Variants in MTUS2 observed in about 807,000 individuals in gnomAD.
The protein encoded by MTUS2 is microtubule associated scaffold protein 2.
A neutral mutation model predicts 114.1 loss-of-function variants in MTUS2; 40 were observed. That is an observed-to-expected ratio of 0.35 (90% CI 0.27 to 0.46). The LOEUF is 0.46. Among genes scored for constraint, MTUS2 ranks in the 20% least tolerant of loss-of-function variants. The pLI is 1.00. For missense variants in MTUS2, 1,679 were observed against 1,705.4 expected, an observed-to-expected ratio of 0.98 and a Z score of 0.27; for synonymous variants, 688 against 672.0, an observed-to-expected ratio of 1.02 and a Z score of -0.37.
Position 29,287,114 on chromosome 13 carries a change from C to T in MTUS2, c.2806+5249C>T, listed in dbSNP as rs765240360. On this transcript the variant is annotated intron_variant, in intron 6 of 15. Transcript: ENST00000612955. ...ATTATTACAGATGCAGCAAGTGAAA[C>T]GAGTTGTCCAAGGTCACACAATGGC... is the stretch of plus-strand genomic sequence containing the variant. Among the ~76,000 whole-genome samples the T allele has an allele frequency of 4.6e-5, 7 of 152,262 alleles. No homozygotes were observed. The East Asian group carries it at 9.6e-4, about 21-fold the overall frequency.
At chr13:28,884,814 A>G in intron 2 of MTUS2, among the ~76,000 whole-genome samples, 1 of 152,126 alleles carries the variant, frequency 6.6e-6, no homozygotes, top group East Asian at 1.9e-4. Context: ...AGTCATTTCA[A>G]AATAACACAA....
intron 15 of MTUS2, among the ~76,000 whole-genome samples, chr13:29,501,538 C>A (rs7333364): frequency 0.018 from 2,719 of 152,252 alleles, 69 homozygotes; most frequent in African/African-American, 0.062. Flanking sequence ...TGGCTGATAC[C>A]CCAACTTCCA....
At chr13:29,289,137 G>C (rs1278953057) in intron 6 of MTUS2, among the ~76,000 whole-genome samples, 1 of 152,200 alleles carries the variant, frequency 6.6e-6, no homozygotes. Flanking sequence ...AGAGCTCCAG[G>C]ACTAAGTAGT....
At position 29,025,564 on chromosome 13, in the gene MTUS2, C is replaced by T. The variant is rs758523342; in HGVS notation, c.866C>T (p.Ala289Val). ...GAGCCTGCTCTGAATTTGACTTTGG[C>T]ATCGAAGGAAATCCCAAGTAAACTG... ...HPEPALNLTL[A>V]SKEIPSKLEA... The change falls in exon 3 of 16, where the codon GCA becomes GTA. Residue 289 changes from alanine (A) to valine (V), a missense_variant. By Grantham distance (64) the Ala-to-Val change is moderately conservative. Transcript: ENST00000612955. The T allele has an allele frequency of 1.9e-6, 3 of 1,613,882 alleles. No individual in the cohort carries two copies. The highest frequency in any genetic ancestry group is 2.5e-6 in the Non-Finnish European group (3 of 1,179,834).
At chr13:29,417,209 G>A (rs1416565766) in intron 8 of MTUS2, among the ~76,000 whole-genome samples, 2 of 152,138 alleles carry the variant, frequency 1.3e-5, no homozygotes, top group Admixed American at 6.5e-5. Context: ...GCAAGAGAGA[G>A]AAGAGTGAGG....
chr13:28,850,838 G>C (rs1200407657), intron 2 of MTUS2, among the ~76,000 whole-genome samples: 4 of 152,056 alleles, frequency 2.6e-5, no homozygotes, highest in Non-Finnish European at 5.9e-5. Flanking sequence ...ACAATCACTT[G>C]TTTTCTATTC....
At chr13:29,344,605 C>A (rs1868484027) in intron 7 of MTUS2, among the ~76,000 whole-genome samples, 1 of 152,094 alleles carries the variant, frequency 6.6e-6, no homozygotes, top group South Asian at 2.1e-4. Context: ...CTTATCCATT[C>A]TGCCATTCTG....
At chr13:28,997,223 C>T (rs1471045340) in intron 2 of MTUS2, among the ~76,000 whole-genome samples, 1 of 152,158 alleles carries the variant, frequency 6.6e-6, no homozygotes, top group Admixed American at 6.5e-5. Flanking sequence ...GTTTCTTAAT[C>T]CTGAGTTCTA....
At chr13:29,315,743 G>A (rs1257476933) in intron 6 of MTUS2, among the ~76,000 whole-genome samples, 1 of 152,168 alleles carries the variant, frequency 6.6e-6, no homozygotes, top group African/African-American at 2.4e-5. Flanking sequence ...AAGGAATCTG[G>A]TGTAAACTTT....
At position 29,503,172 on chromosome 13, in the gene MTUS2, C is replaced by G. The variant is rs746202362; in HGVS notation, c.4076C>G (p.Ser1359Cys). ...TACCGCGGCTCCTCCTCGGGGCCCT[C>G]CTCTCCGGCCAGAGTCAGCACAACA... ...PVYRGSSSGP[S>C]SPARVSTTPR is the part of the protein sequence containing the mutation. The change falls in exon 16 of 16, where the codon TCC becomes TGC. Residue 1359 changes from serine (S) to cysteine (C), a missense_variant. Ser to Cys is a moderately radical substitution (Grantham distance 112). This residue lies in a region of MTUS2 where 822 missense variants were observed against 899.7 expected (regional missense o/e 0.91). Coordinates refer to ENST00000612955, the MANE Select transcript of MTUS2 (RefSeq NM_001033602.4). 3 of 1,614,088 alleles carry G rather than the reference C, an allele frequency of 1.9e-6. No homozygotes were observed. The highest frequency in any genetic ancestry group is 2.5e-6 in the Non-Finnish European group (3 of 1,180,048).
intron 6 of MTUS2, among the ~76,000 whole-genome samples, chr13:29,301,539 G>A (rs1292035190): frequency 3.9e-5 from 6 of 152,222 alleles, no homozygotes; most frequent in African/African-American, 1.4e-4. Context: ...AGTGTGAATT[G>A]TTAGTTTCTA....
In MTUS2 at chr13:29,037,615, C is replaced by T. The variant is rs142118515; in HGVS notation, c.2446+3490C>T. Among the ~76,000 whole-genome samples the T allele has an allele frequency of 1.2e-3, 178 of 152,244 alleles. 1 individual carries two copies. The highest frequency in any genetic ancestry group is 3.8e-3 in the African/African-American group (156 of 41,548). On this transcript the variant is annotated intron_variant, in intron 4 of 15. Transcript: ENST00000612955. The stretch of plus-strand genomic sequence containing the variant: ...ATATCCTGAAGTGTGTTTTCCAACT[C>T]GGTTCCATTCTCCCCGTCATTTTCA...
chr13:29,160,740 A>G (rs369190574), intron 5 of MTUS2, among the ~76,000 whole-genome samples: 1 of 151,658 alleles, frequency 6.6e-6, no homozygotes, highest in East Asian at 2.0e-4. Context: ...ACTGTACTCC[A>G]GCCTGGGTGA....
chr13:28,915,737 G>A (rs185436650), intron 2 of MTUS2, among the ~76,000 whole-genome samples: 188 of 151,598 alleles, frequency 1.2e-3, no homozygotes, highest in African/African-American at 4.0e-3. Context: ...ATTTTTCTCC[G>A]ATTTTGTGGG....
chr13:28,946,531 C>G (rs1351157506), intron 2 of MTUS2, among the ~76,000 whole-genome samples: 1 of 152,170 alleles, frequency 6.6e-6, no homozygotes, highest in African/African-American at 2.4e-5. Context: ...ATAACAACAA[C>G]TATTATGTAA....
chr13:28,986,729 G>A lies in MTUS2; in HGVS notation c.-242-37728G>A, dbSNP rs569252913. Among the ~76,000 whole-genome samples the A allele has an allele frequency of 1.2e-3, 188 of 152,308 alleles. 1 individual carries two copies. Among genetic ancestry groups the A allele is most frequent in the African/African-American group, 4.3e-3 (177 of 41,568 alleles). On this transcript the variant is annotated intron_variant, in intron 2 of 15. Transcript: ENST00000612955. ...GAATAGTGACAATGTTAATAGCTGTGTCTGCTGATGTGTGTTCAGTGTTCA... is the reference window on the plus strand; with the variant it reads ...GAATAGTGACAATGTTAATAGCTGTATCTGCTGATGTGTGTTCAGTGTTCA...
At chr13:29,463,438 C>G (rs189674951) in intron 9 of MTUS2, among the ~76,000 whole-genome samples, 1 of 152,188 alleles carries the variant, frequency 6.6e-6, no homozygotes, top group East Asian at 1.9e-4. Flanking sequence ...TAAGACACTT[C>G]TAGAAGGAAG....
chr13:29,324,765 ATCTTAT>A, intron 7 of MTUS2, 54 bp downstream of exon 7: 2 of 1,362,304 alleles, frequency 1.5e-6, no homozygotes, highest in Non-Finnish European at 2.1e-6. Context: ...CTTGGAATTT[ATCTTAT>A]TCAGATGTCA....
intron 7 of MTUS2, among the ~76,000 whole-genome samples, chr13:29,341,394 CTGA>C (rs1901389033): frequency 6.6e-6 from 1 of 152,104 alleles, no homozygotes; most frequent in African/African-American, 2.4e-5. Context: ...TTGCATCTCC[CTGA>C]TGATTAATGA....
Sources: allele counts gnomAD v4.1 joint callset (sites outside exome capture counted in the v4.1 genomes callset), GRCh38; gene constraint gnomAD v4.1.1; regional missense constraint gnomAD v4.1.1; transcripts MANE v1.5; gene names NCBI Gene and HGNC (gene_info 2026-07-23, HGNC 2026-07-21).